Variants in KLHL14 observed in about 807,000 individuals in gnomAD.
KLHL14 encodes the protein kelch like family member 14, also known as kelch-like protein 14.
A neutral mutation model predicts 64.3 loss-of-function variants in KLHL14; 22 were observed. That is an observed-to-expected ratio of 0.34 (90% CI 0.24 to 0.49). KLHL14 has a LOEUF of 0.49. Among genes scored for constraint, KLHL14 ranks in the 20% least tolerant of loss-of-function variants. The pLI, the probability that KLHL14 is intolerant of heterozygous loss-of-function variation, is 0.99. For missense variants in KLHL14, 661 were observed against 789.0 expected, an observed-to-expected ratio of 0.84 and a Z score of 1.94; for synonymous variants, 322 against 333.4, an observed-to-expected ratio of 0.97 and a Z score of 0.37.
intron 3 of KLHL14, chr18:32,734,067 C>A: frequency 1.5e-6 from 1 of 672,602 alleles, no homozygotes; most frequent in South Asian, 1.6e-5. Flanking sequence ...GTAATCTCCC[C>A]TTGGAGGAGA....
intron 1 of KLHL14, chr18:32,771,001 C>T (rs1444006724): frequency 4.9e-6 from 2 of 406,734 alleles, no homozygotes; most frequent in Non-Finnish European, 9.9e-6. Flanking sequence ...GAGGCCGAGG[C>T]ACCTCGTGGG....
Position 32,683,348 on chromosome 18 carries a change from G to A in KLHL14, c.1239-2749C>T, listed in dbSNP as rs2049852732. On this transcript the variant is annotated intron_variant, in intron 5 of 8. Transcript: ENST00000359358. The surrounding 1 kb of genome is among the most constrained non-coding windows in gnomAD (Gnocchi z 4.2). ...GAAATTCCAATAGTAAAGATTCTGA[G>A]TCTTTGACTTATTCCCTTGCATGAC... Among the ~76,000 whole-genome samples the A allele has an allele frequency of 1.3e-5, 2 of 152,010 alleles. No homozygotes were observed. Among genetic ancestry groups the A allele is most frequent in the Admixed American group, 6.6e-5 (1 of 15,260 alleles).
In KLHL14 at chr18:32,721,481, A is replaced by C. The variant is rs1029882762; in HGVS notation, c.1069+20447T>G. 7.9e-5 allele frequency among the ~76,000 whole-genome samples: 12 copies of C among 152,316 alleles called. No individual in the cohort carries two copies. The South Asian group carries it at 8.3e-4, about 11-fold the overall frequency. On this transcript the variant is annotated intron_variant, in intron 3 of 8. Coordinates refer to ENST00000359358, the MANE Select transcript of KLHL14 (RefSeq NM_020805.3). ...TTCAAACTGGAATTATTTTAAGTTAATAATACTAAAAAATGATTCATTATT... is the reference window on the plus strand; with the variant it reads ...TTCAAACTGGAATTATTTTAAGTTACTAATACTAAAAAATGATTCATTATT...
intron 4 of KLHL14, 100 bp from the exon 5 acceptor site, chr18:32,687,333 A>G (rs2049884436): frequency 3.2e-6 from 3 of 937,126 alleles, no homozygotes; most frequent in Non-Finnish European, 5.3e-6. Context: ...GGTTTAACAA[A>G]TAGATGAATT....
intron 5 of KLHL14, among the ~76,000 whole-genome samples, chr18:32,685,031 T>G (rs1426968016): frequency 6.6e-6 from 1 of 152,070 alleles, no homozygotes; most frequent in Non-Finnish European, 1.5e-5. Context: ...TCGAGTTGAT[T>G]GTTCTAAATC....
At chr18:32,685,224 T>C (rs953707661) in intron 5 of KLHL14, among the ~76,000 whole-genome samples, 1 of 152,122 alleles carries the variant, frequency 6.6e-6, no homozygotes, top group African/African-American at 2.4e-5. Flanking sequence ...TGATAGGCCA[T>C]AGTGCCTCAG....
At chr18:32,686,992 T>A (rs1203858772) in intron 5 of KLHL14, among the ~76,000 whole-genome samples, 163 bp downstream of exon 5, 1 of 152,196 alleles carries the variant, frequency 6.6e-6, no homozygotes, top group Admixed American at 6.5e-5. Flanking sequence ...TCTATTGAAT[T>A]AACAAGGGAG....
intron 3 of KLHL14, among the ~76,000 whole-genome samples, chr18:32,720,131 T>TGTA (rs2050069869): frequency 6.6e-6 from 1 of 152,194 alleles, no homozygotes; most frequent in Non-Finnish European, 1.5e-5. Context: ...GAGGTCTGCA[T>TGTA]GTATTAGCAA....
chr18:32,691,102 T>C (rs1568065800), intron 4 of KLHL14, among the ~76,000 whole-genome samples: 1 of 152,182 alleles, frequency 6.6e-6, no homozygotes, highest in African/African-American at 2.4e-5. Flanking sequence ...ATTCCCAAAT[T>C]CAGCTGAAGA....
intron 4 of KLHL14, among the ~76,000 whole-genome samples, chr18:32,695,224 G>T (rs1400461976): frequency 6.6e-6 from 1 of 152,076 alleles, no homozygotes; most frequent in Non-Finnish European, 1.5e-5. Flanking sequence ...AGGGGCTGGG[G>T]TATCACTGTG....
rs1472448823 is a variant in KLHL14 at position 32,708,717 on chromosome 18, G to A, written c.1070-13165C>T. Among the ~76,000 whole-genome samples, 10 of 152,266 alleles carry A rather than the reference G, an allele frequency of 6.6e-5. No individual in the cohort carries two copies. The South Asian group carries it at 1.7e-3, about 25-fold the overall frequency. On this transcript the variant is annotated intron_variant, in intron 3 of 8. Transcript: ENST00000359358. ...TGATCCAGCCAGGTCCTTGCGAGGG[G>A]TTTTCACACTGGAGCTGAAAGGAGA...
intron 3 of KLHL14, among the ~76,000 whole-genome samples, chr18:32,721,880 C>G (rs1392271178): frequency 6.6e-6 from 1 of 152,150 alleles, no homozygotes; most frequent in Non-Finnish European, 1.5e-5. Context: ...CTAGAACTCT[C>G]CTGGCCATGG....
At chr18:32,710,080 A>T (rs997982400) in intron 3 of KLHL14, among the ~76,000 whole-genome samples, 2 of 152,222 alleles carry the variant, frequency 1.3e-5, no homozygotes, top group African/African-American at 4.8e-5. Flanking sequence ...CATCAGTAAA[A>T]TGTTGATTAT....
At chr18:32,725,964 T>A (rs138861105) in intron 3 of KLHL14, among the ~76,000 whole-genome samples, 1 of 152,348 alleles carries the variant, frequency 6.6e-6, no homozygotes, top group African/African-American at 2.4e-5. Context: ...GAGGATTAAA[T>A]GAATTAATAC....
chr18:32,726,496 C>T (rs59987102), intron 3 of KLHL14, among the ~76,000 whole-genome samples: 6,833 of 151,878 alleles, frequency 0.045, 520 homozygotes, highest in African/African-American at 0.16. Flanking sequence ...TGGTCGTGGG[C>T]GCCTGTAATC....
At chr18:32,714,032 TTTG>T (rs143762528) in intron 3 of KLHL14, among the ~76,000 whole-genome samples, 6,910 of 152,190 alleles carry the variant, frequency 0.045, 467 homozygotes, top group African/African-American at 0.15. Context: ...TATACTAATA[TTTG>T]TTGATGAAAA....
intron 2 of KLHL14, among the ~76,000 whole-genome samples, chr18:32,745,995 TA>T (rs1242602885): frequency 2.0e-5 from 3 of 152,148 alleles, no homozygotes; most frequent in African/African-American, 7.2e-5. Context: ...TCAAAATTTA[TA>T]AATGTAGCCT....
At chr18:32,710,418 G>T (rs191318533) in intron 3 of KLHL14, among the ~76,000 whole-genome samples, 1 of 152,278 alleles carries the variant, frequency 6.6e-6, no homozygotes, top group Admixed American at 6.5e-5. Flanking sequence ...GAAGTGAAAC[G>T]AGTACCCATA....
intron 3 of KLHL14, among the ~76,000 whole-genome samples, chr18:32,724,039 A>C (rs2050092959): frequency 6.6e-6 from 1 of 152,222 alleles, no homozygotes; most frequent in Non-Finnish European, 1.5e-5. Flanking sequence ...AGTTGGAAAA[A>C]AAATATCATG....
Sources: gnomAD v4.1 joint callset for allele counts (sites outside exome capture counted in the v4.1 genomes callset) on GRCh38, gnomAD v4.1.1 for gene constraint, Gnocchi (gnomAD v3.1) non-coding constraint, MANE v1.5 for transcripts, NCBI Gene and HGNC (gene_info 2026-07-23, HGNC 2026-07-21) for gene names.